Variants in PTPRN2 observed in about 807,000 individuals in gnomAD.
The protein encoded by PTPRN2 is protein tyrosine phosphatase receptor type N2.
Under a neutral mutation model 118.8 loss-of-function variants are expected in PTPRN2, and 74 were observed. That is an observed-to-expected ratio of 0.62 (90% CI 0.52 to 0.76). PTPRN2 has a LOEUF of 0.76. Among genes scored for constraint, PTPRN2 ranks in the 30% least tolerant of loss-of-function variants. The pLI, the probability that PTPRN2 is intolerant of heterozygous loss-of-function variation, is 0.00. For missense variants in PTPRN2, 1,481 were observed against 1,394.4 expected (o/e 1.06, Z -0.99); for synonymous variants, 641 against 608.0 (o/e 1.05, Z -0.80).
At chr7:157,797,172 C>T (rs923295173) in intron 12 of PTPRN2, among the ~76,000 whole-genome samples, 2 of 152,192 alleles carry the variant, frequency 1.3e-5, no homozygotes, top group African/African-American at 4.8e-5. Flanking sequence ...AAAAACGGAC[C>T]TCAGGTTTCT....
At chr7:157,843,019 C>T (rs969218967) in intron 12 of PTPRN2, among the ~76,000 whole-genome samples, 2 of 152,194 alleles carry the variant, frequency 1.3e-5, no homozygotes, top group Admixed American at 6.5e-5. Flanking sequence ...CTGTGAACAT[C>T]GTTATGACAG....
chr7:157,741,612 T>C (rs1024776638), intron 12 of PTPRN2, among the ~76,000 whole-genome samples: 2 of 152,236 alleles, frequency 1.3e-5, no homozygotes, highest in African/African-American at 4.8e-5. Context: ...CCCGTCCACA[T>C]GACCCATGCA....
chr7:158,422,452 G>A (rs1815333825), intron 2 of PTPRN2, among the ~76,000 whole-genome samples: 1 of 152,182 alleles, frequency 6.6e-6, no homozygotes, highest in Non-Finnish European at 1.5e-5. Context: ...AATGCTGCCA[G>A]ATTCTCATTT....
intron 1 of PTPRN2, among the ~76,000 whole-genome samples, chr7:158,576,815 C>T (rs1459079637): frequency 6.7e-6 from 1 of 150,358 alleles, no homozygotes; most frequent in South Asian, 2.1e-4. Flanking sequence ...TGCCTGATGC[C>T]ACAAACAACA....
intron 14 of PTPRN2, among the ~76,000 whole-genome samples, chr7:157,634,501 G>A (rs1585144141): frequency 6.6e-6 from 1 of 152,132 alleles, no homozygotes; most frequent in South Asian, 2.1e-4. Context: ...AACCTGGGAC[G>A]CCGTGATGTG....
At chr7:158,136,811 C>T (rs1040336852) in intron 7 of PTPRN2, 116 bp from the exon 8 acceptor site, 266 of 953,356 alleles carry the variant, frequency 2.8e-4, no homozygotes, top group African/African-American at 4.4e-4. Context: ...GGTGTGATGA[C>T]GCTGGCCTAA....
At chr7:158,519,425 C>T (rs893972277) in intron 1 of PTPRN2, among the ~76,000 whole-genome samples, 1 of 152,120 alleles carries the variant, frequency 6.6e-6, no homozygotes, top group Non-Finnish European at 1.5e-5. Context: ...GTCAGAAGTG[C>T]CGATTCCACC....
At chr7:158,428,883 C>G (rs545010686) in intron 2 of PTPRN2, among the ~76,000 whole-genome samples, 4 of 152,358 alleles carry the variant, frequency 2.6e-5, no homozygotes, top group Admixed American at 2.6e-4. Flanking sequence ...CAGCTACCGT[C>G]ATGCAGATCG....
chr7:157,555,752 C>T (rs2150478687), intron 21 of PTPRN2, among the ~76,000 whole-genome samples: 1 of 152,312 alleles, frequency 6.6e-6, no homozygotes, highest in East Asian at 1.9e-4. Context: ...GAGGCCTTTA[C>T]TTGCAGGAGA....
chr7:158,009,906 A>G (rs1805915814), intron 11 of PTPRN2, among the ~76,000 whole-genome samples: 1 of 152,190 alleles, frequency 6.6e-6, no homozygotes, highest in South Asian at 2.1e-4. Flanking sequence ...ACGCCACGCC[A>G]TTCCCAGAAT....
intron 2 of PTPRN2, among the ~76,000 whole-genome samples, chr7:158,440,842 G>C (rs1265319924): frequency 7.3e-6 from 1 of 137,794 alleles, no homozygotes; most frequent in Non-Finnish European, 1.6e-5. Context: ...GGTGATGGCA[G>C]TGACGGGGGT....
chr7:157,762,769 A>G (rs1280567670), intron 12 of PTPRN2, among the ~76,000 whole-genome samples: 2 of 151,640 alleles, frequency 1.3e-5, no homozygotes. Context: ...AGAAAAAAGA[A>G]AAAACTTTTC....
intron 14 of PTPRN2, among the ~76,000 whole-genome samples, chr7:157,655,491 T>C (rs1806010993): frequency 1.3e-5 from 2 of 152,226 alleles, no homozygotes; most frequent in Non-Finnish European, 2.9e-5. Flanking sequence ...TTTTAAAAAA[T>C]GTAAGCATTT....
chr7:158,233,555 A>G (rs554922555), intron 3 of PTPRN2, among the ~76,000 whole-genome samples: 1 of 152,280 alleles, frequency 6.6e-6, no homozygotes, highest in South Asian at 2.1e-4. Flanking sequence ...CAGGGTGGGC[A>G]TGGCTGTAGA....
chr7:157,568,970 C>A lies in PTPRN2; in HGVS notation c.2838-4G>T. 7 of 1,560,568 alleles carry A rather than the reference C, an allele frequency of 4.5e-6. No individual in the cohort carries two copies. The highest frequency in any genetic ancestry group is 5.3e-6 in the Non-Finnish European group (6 of 1,131,764). ...GCCGCTCCGGCCTGCACCGTCACTG[C>A]CAACAGAAGGAGAGAAATGAAAGTG... On this transcript the variant is annotated splice_polypyrimidine_tract_variant and splice_region_variant and intron_variant, in intron 20 of 22. Transcript: ENST00000389418.
In PTPRN2 at chr7:157,690,040, C is replaced by T. The variant is rs1434047488; in HGVS notation, c.1789-7103G>A. On this transcript the variant is annotated intron_variant, in intron 12 of 22. Coordinates refer to ENST00000389418, the MANE Select transcript of PTPRN2 (RefSeq NM_002847.5). The surrounding 1 kb of genome is among the most constrained non-coding windows in gnomAD (Gnocchi z 7.1). ...CATCTCCGTGCCTGCACCCCCCCAC[C>T]CCCAGCACCCTGCAATGGTCGGAAC... Among the ~76,000 whole-genome samples the T allele has an allele frequency of 3.3e-5, 5 of 152,228 alleles. No homozygotes were observed. Among genetic ancestry groups the T allele is most frequent in the African/African-American group, 7.2e-5 (3 of 41,460 alleles).
rs960283936 is a variant in PTPRN2, at chr7:158,540,536, A to C, written c.112+47022T>G. 7.2e-5 allele frequency among the ~76,000 whole-genome samples: 11 copies of C among 152,040 alleles called. 1 individual carries two copies. The highest frequency in any genetic ancestry group is 3.3e-4 in the Admixed American group (5 of 15,264). On this transcript the variant is annotated intron_variant, in intron 1 of 22. Coordinates refer to ENST00000389418, the MANE Select transcript of PTPRN2 (RefSeq NM_002847.5). ...CTCCATGGGAGGAAAGCACATGGCC[A>C]AGGGGGGGTTTCTTTGGAGGTGGCT...
intron 2 of PTPRN2, among the ~76,000 whole-genome samples, chr7:158,370,022 C>T (rs571788497): frequency 1.6e-4 from 25 of 152,194 alleles, no homozygotes; most frequent in African/African-American, 5.3e-4. Context: ...CTCAGTCACA[C>T]GAAAGCCACC....
At chr7:157,825,236 G>A (rs569395303) in intron 12 of PTPRN2, among the ~76,000 whole-genome samples, 3 of 152,258 alleles carry the variant, frequency 2.0e-5, no homozygotes, top group Admixed American at 1.3e-4. Context: ...ATGGTGGGAC[G>A]CGCGCCCTGC....
Sources: allele counts gnomAD v4.1 joint callset (sites outside exome capture counted in the v4.1 genomes callset), GRCh38; gene constraint gnomAD v4.1.1; non-coding constraint Gnocchi (gnomAD v3.1); transcripts MANE v1.5; gene names NCBI Gene and HGNC (gene_info 2026-07-23, HGNC 2026-07-21).